The following PHF24 variants were observed in gnomAD, a reference collection of about 807,000 sequenced individuals.
PHF24 encodes PHD finger protein 24.
In PHF24, 25 loss-of-function variants were observed where a neutral mutation model predicts 42.6. The observed-to-expected ratio is 0.59, with a 90% CI of 0.43 to 0.82. The LOEUF (loss-of-function observed/expected upper bound fraction) is 0.82, where lower values mean the gene tolerates loss of function less well. Among genes scored for constraint, PHF24 ranks in the 40% least tolerant of loss-of-function variants. PHF24 has a pLI of 0.00. For synonymous variants in PHF24, 185 were observed against 204.8 expected (o/e 0.90, Z 0.83); for missense variants, 470 against 538.1 (o/e 0.87, Z 1.25).
chr9:34,788,665 T>G, the PHF24 span, among the ~76,000 whole-genome samples: 1 of 152,182 alleles, frequency 6.6e-6, no homozygotes, highest in Admixed American at 6.5e-5. Flanking sequence ...TCAGTTAGTA[T>G]AGTTTAGCGG....
the PHF24 span, among the ~76,000 whole-genome samples, chr9:34,748,873 C>A: frequency 4.0e-3 from 605 of 151,940 alleles, 6 homozygotes; most frequent in African/African-American, 0.014. Flanking sequence ...GCACCAGGGA[C>A]CAATCCCAGA....
chr9:34,872,517 C>T, the PHF24 span, among the ~76,000 whole-genome samples: 1 of 151,272 alleles, frequency 6.6e-6, no homozygotes, highest in East Asian at 1.9e-4. Context: ...TCACCCATGT[C>T]CCTACAAAGG....
the PHF24 span, among the ~76,000 whole-genome samples, chr9:34,751,295 G>A: frequency 2.0e-5 from 3 of 152,202 alleles, no homozygotes; most frequent in Non-Finnish European, 4.4e-5. Context: ...AACACAGGAG[G>A]TGGAGGTTGC....
the PHF24 span, among the ~76,000 whole-genome samples, chr9:34,792,404 C>T: frequency 6.6e-6 from 1 of 152,250 alleles, no homozygotes; most frequent in South Asian, 2.1e-4. Context: ...GGTGCAGTGG[C>T]TCACGCCTGT....
At chr9:34,708,242 C>A in the PHF24 span, among the ~76,000 whole-genome samples, 1 of 152,092 alleles carries the variant, frequency 6.6e-6, no homozygotes, top group African/African-American at 2.4e-5. Context: ...GTTCTGAAAA[C>A]CTGCCCCAGG....
chr9:34,680,645 G>A, the PHF24 span, among the ~76,000 whole-genome samples: 4 of 137,094 alleles, frequency 2.9e-5, no homozygotes, highest in East Asian at 2.2e-4. Flanking sequence ...CCGAGATCCC[G>A]CCACTGCACT....
At chr9:34,906,960 AC>A in the PHF24 span, among the ~76,000 whole-genome samples, 1 of 152,132 alleles carries the variant, frequency 6.6e-6, no homozygotes, top group African/African-American at 2.4e-5. Context: ...ATTATAGCTC[AC>A]TGTAGGTGAG....
At chr9:34,715,416 T>C in the PHF24 span, among the ~76,000 whole-genome samples, 1 of 152,280 alleles carries the variant, frequency 6.6e-6, no homozygotes, top group South Asian at 2.1e-4. Flanking sequence ...ACTTGAACTG[T>C]AAGCTGGGTT....
chr9:34,866,308 G>GCTGTGTGCCTGCCTTT, the PHF24 span, among the ~76,000 whole-genome samples: 2 of 152,166 alleles, frequency 1.3e-5, no homozygotes, highest in Non-Finnish European at 2.9e-5. Flanking sequence ...TCCCTGTAGA[G>GCTGTGTGCCTGCCTTT]CTGTGTGCCT....
the PHF24 span, among the ~76,000 whole-genome samples, chr9:34,939,546 G>C: frequency 6.6e-6 from 1 of 152,184 alleles, no homozygotes; most frequent in African/African-American, 2.4e-5. Flanking sequence ...GGCCAGAGTT[G>C]TCTGTCAGAG....
At chr9:34,717,533 A>AG in the PHF24 span, among the ~76,000 whole-genome samples, 6 of 152,054 alleles carry the variant, frequency 3.9e-5, no homozygotes, top group Admixed American at 3.9e-4. Flanking sequence ...AGGCTGCTGA[A>AG]GAGGGCAGTG....
chr9:34,820,467 A>C, the PHF24 span, among the ~76,000 whole-genome samples: 7 of 152,080 alleles, frequency 4.6e-5, no homozygotes, highest in Admixed American at 1.3e-4. Context: ...CTTCCCACTT[A>C]TAAGTGAGAA....
the PHF24 span, among the ~76,000 whole-genome samples, chr9:34,845,543 T>C: frequency 6.6e-6 from 1 of 152,186 alleles, no homozygotes; most frequent in African/African-American, 2.4e-5. Flanking sequence ...GAATATGTTA[T>C]GATTACAACA....
At chr9:34,768,222 G>A in the PHF24 span, among the ~76,000 whole-genome samples, 1 of 152,202 alleles carries the variant, frequency 6.6e-6, no homozygotes, top group Non-Finnish European at 1.5e-5. Context: ...TGGGCAATGG[G>A]AAACACATTC....
At chr9:34,889,763 A>G in the PHF24 span, 2 of 397,052 alleles carry the variant, frequency 5.0e-6, no homozygotes, top group East Asian at 3.6e-5. Flanking sequence ...GCCCTGAACT[A>G]TTTGACCCTG....
the PHF24 span, among the ~76,000 whole-genome samples, chr9:34,703,133 A>G: frequency 6.6e-6 from 1 of 152,128 alleles, no homozygotes; most frequent in Non-Finnish European, 1.5e-5. Context: ...GTCATTTGGC[A>G]TGGTAGAGGA....
the PHF24 span, among the ~76,000 whole-genome samples, chr9:34,857,781 C>T: frequency 6.6e-6 from 1 of 152,206 alleles, no homozygotes. Context: ...TTCAAGTAAA[C>T]ATTCTTTGAG....
the PHF24 span, among the ~76,000 whole-genome samples, chr9:34,694,038 G>A: frequency 3.5e-4 from 53 of 152,112 alleles, no homozygotes; most frequent in African/African-American, 1.2e-3. Context: ...AGCTACTCAG[G>A]AGGCTGAGGC....
the PHF24 span, among the ~76,000 whole-genome samples, chr9:34,773,427 A>T: frequency 2.1e-5 from 3 of 145,312 alleles, no homozygotes; most frequent in Admixed American, 6.9e-5. Flanking sequence ...AACAAGTGCT[A>T]AAAAAAAAAA....
Sources: allele counts gnomAD v4.1 joint callset (sites outside exome capture counted in the v4.1 genomes callset), GRCh38; gene constraint gnomAD v4.1.1; transcripts MANE v1.5; gene names NCBI Gene and HGNC (gene_info 2026-07-23, HGNC 2026-07-21).